INTS11: variants seen among roughly 807,000 people sequenced by gnomAD.
The protein encoded by INTS11 is CPSF3-like protein.
Under a neutral mutation model 78.6 loss-of-function variants are expected in INTS11, and 77 were observed. That is an observed-to-expected ratio of 0.98 (90% CI 0.81 to 1.18). The LOEUF is 1.18. INTS11 is among the 50% of genes most tolerant of loss of function. The probability of loss-of-function intolerance (pLI) is 0.00; values close to 1 mark genes in which losing one functional copy is unlikely to be tolerated. For missense variants in INTS11, 875 were observed against 825.9 expected (o/e 1.06, Z -0.73); for synonymous variants, 441 against 326.9 (o/e 1.35, Z -3.77).
rs536828222 is a variant in INTS11, at chr1:1,318,731, C to T, written c.429+565G>A. 22 of 479,316 alleles carry T rather than the reference C, an allele frequency of 4.6e-5. 2 individuals are homozygous for T. In the South Asian group the frequency reaches 8.9e-4, roughly 19 times the overall value. The allele number at this position is 479,316 out of a possible 1,614,324, so 29.7% of individuals were successfully genotyped here. A position where few individuals can be genotyped will look rare whatever the true frequency, so the allele number is the denominator to read the frequency against. ...AAGTTCAATCAGAAAATTAAATGTTCCAAAATACATAGGTACCTAATATAG... is the reference window on the plus strand; with the variant it reads ...AAGTTCAATCAGAAAATTAAATGTTTCAAAATACATAGGTACCTAATATAG... On this transcript the variant is annotated intron_variant, in intron 4 of 16. Transcript: ENST00000435064.
chr1:1,321,769 G>A (rs1359439887), intron 1 of INTS11: 1 of 534,662 alleles, frequency 1.9e-6, no homozygotes, highest in Non-Finnish European at 3.1e-6. Context: ...TCCAGCCAGA[G>A]GCCTTGGCCA....
Position 1,324,623 on chromosome 1 carries a change from T to C in INTS11, c.-15A>G, listed in dbSNP as rs1397558957. On this transcript the variant is annotated 5_prime_UTR_variant, in exon 1 of 17. Coordinates refer to ENST00000435064, the MANE Select transcript of INTS11 (RefSeq NM_017871.6). ...ATCTCAGGCATCGTCTCCGCCGCGC[T>C]CCCGGACCCGCGAGGCCCGCCTGCG... is the stretch of plus-strand genomic sequence containing the variant. 1.1e-5 allele frequency: 18 copies of C among 1,598,502 alleles called. No homozygotes were observed. Among genetic ancestry groups the C allele is most frequent in the Non-Finnish European group, 1.4e-5 (17 of 1,174,396 alleles).
Position 1,319,434 on chromosome 1 carries a change from C to T in INTS11, c.291G>A (p.Gln97=). Reference sequence around the variant, plus strand: ...CCTCCAGCAAGATGGGGCAGATGGCCTGGGTGGGGTGAGTCATGTAGATGG... The same window carrying T: ...CCTCCAGCAAGATGGGGCAGATGGCTTGGGTGGGGTGAGTCATGTAGATGG... ...DGPIYMTHPT[Q]AICPILLEDY... is the part of the protein sequence containing the mutation. Residue 97 remains glutamine (Q), a synonymous_variant, in exon 4 of 17, where the codon CAG becomes CAA. Transcript: ENST00000435064. The T allele has an allele frequency of 1.2e-6, 2 of 1,613,024 alleles. No individual in the cohort carries two copies. Among genetic ancestry groups the T allele is most frequent in the Non-Finnish European group, 1.7e-6 (2 of 1,179,826 alleles).
intron 4 of INTS11, among the ~76,000 whole-genome samples, chr1:1,318,402 A>T (rs1056136203): frequency 1.3e-5 from 2 of 152,164 alleles, no homozygotes; most frequent in African/African-American, 4.8e-5. Context: ...TCATGCCTGT[A>T]ATCCGAGCAC....
In INTS11 at chr1:1,318,635, G is replaced by C. The variant is rs1642755406; in HGVS notation, c.429+661C>G. 8 of 414,598 alleles carry C rather than the reference G, an allele frequency of 1.9e-5. No individual in the cohort carries two copies. The South Asian group carries it at 3.1e-4, about 16-fold the overall frequency. 25.7% of individuals were successfully genotyped at this position (414,598 alleles called of 1,614,324 possible). ...ATCACACTCCAGCCTGGGTAACAAAGTGAGACACTGTCAAAAAAAAAAAAA... is the reference window on the plus strand; with the variant it reads ...ATCACACTCCAGCCTGGGTAACAAACTGAGACACTGTCAAAAAAAAAAAAA... On this transcript the variant is annotated intron_variant, in intron 4 of 16. Coordinates refer to ENST00000435064, the MANE Select transcript of INTS11 (RefSeq NM_017871.6).
chr1:1,319,482 G>C lies in INTS11; in HGVS notation c.243C>G (p.Ser81Arg). The C allele has an allele frequency of 6.2e-7, 1 of 1,604,502 alleles. No homozygotes were observed. ...TGGGCCCGTCGTAGCCCACCATCTC[G>C]CTGAAGTAGGGGAGTGCCCCGCAGT... ...LDHCGALPYFSEMVGYDGPIY... is the reference protein window; with the variant it reads ...LDHCGALPYFREMVGYDGPIY... Residue 81 changes from serine to arginine, a missense_variant, in exon 4 of 17, where the codon AGC becomes AGG. By Grantham distance (110) the Ser-to-Arg change is moderately radical (BLOSUM62 -1). Transcript: ENST00000435064.
chr1:1,319,620 C>T (rs1642827500), intron 3 of INTS11, 96 bp from the exon 4 acceptor site: 2 of 807,588 alleles, frequency 2.5e-6, no homozygotes, highest in African/African-American at 1.7e-5. Flanking sequence ...CATTCGCCTG[C>T]TGTGCGCCAG....
At position 1,314,963 on chromosome 1, in the gene INTS11, C is replaced by G; in HGVS notation, c.564-1G>C. On this transcript the variant is annotated splice_acceptor_variant, in intron 6 of 16. Transcript: ENST00000435064. LOFTEE classifies it high-confidence loss of function. This position sits in a 1 kb window ranked among gnomAD's most constrained non-coding sequence, Gnocchi z 4.2. ...GCGGCACTTGTCAATCCAGGCAGCT[C>G]TGGAACACGGGGGTGGGGGTGTGAG... 3 of 1,612,100 alleles carry G rather than the reference C, an allele frequency of 1.9e-6. No individual in the cohort carries two copies. The highest frequency in any genetic ancestry group is 2.5e-6 in the Non-Finnish European group (3 of 1,179,234).
In INTS11 at chr1:1,314,453, G is replaced by A; in HGVS notation, c.703-88C>T. The A allele has an allele frequency of 4.1e-6, 5 of 1,219,578 alleles. No individual in the cohort carries two copies. Among genetic ancestry groups the A allele is most frequent in the East Asian group, 5.1e-5 (2 of 39,286 alleles). The allele number at this position is 1,219,578 out of a possible 1,614,324, so 75.5% of individuals were successfully genotyped here. A position where few individuals can be genotyped will look rare whatever the true frequency, so the allele number is the denominator to read the frequency against. On this transcript the variant is annotated intron_variant, in intron 7 of 16. Transcript: ENST00000435064. The surrounding 1 kb of genome is among the most constrained non-coding windows in gnomAD (Gnocchi z 4.2). ...AGTGAGGGCACGGCCAGGTGCCCAAGAGCTGCGGCCTCATAGGGACCTTAG... is the reference window on the plus strand; with the variant it reads ...AGTGAGGGCACGGCCAGGTGCCCAAAAGCTGCGGCCTCATAGGGACCTTAG...
intron 4 of INTS11, chr1:1,317,730 T>TAGGCC (rs1410929233): frequency 1.3e-5 from 2 of 152,156 alleles, no homozygotes; most frequent in Admixed American, 1.3e-4. Flanking sequence ...ACCCTACGGC[T>TAGGCC]GCCCATGCCC....
chr1:1,314,086 C>G lies in INTS11; in HGVS notation c.768-165G>C, dbSNP rs1362046111. 4 of 793,386 alleles carry G rather than the reference C, an allele frequency of 5.0e-6. No individual in the cohort carries two copies. Among genetic ancestry groups the G allele is most frequent in the Non-Finnish European group, 8.1e-6 (4 of 494,014 alleles). The allele number at this position is 793,386 out of a possible 1,614,324, so 49.1% of individuals were successfully genotyped here. A position where few individuals can be genotyped will look rare whatever the true frequency, so the allele number is the denominator to read the frequency against. On this transcript the variant is annotated intron_variant, in intron 8 of 16. Coordinates refer to ENST00000435064, the MANE Select transcript of INTS11 (RefSeq NM_017871.6). The surrounding 1 kb of genome is among the most constrained non-coding windows in gnomAD (Gnocchi z 4.2). The stretch of plus-strand genomic sequence containing the variant: ...CATTAAGCCCTGCAGCAGCCGGGCT[C>G]AGCGGAGAACCAGGAACCCCTACAA...
rs752080142 is a variant in INTS11, at chr1:1,314,413, C to G, written c.703-48G>C. ...GCCCTGGGCACATGGCCCCTCGACACAGCAGGCAGCGTCCAGTGAGGGCAC... is the reference window on the plus strand; with the variant it reads ...GCCCTGGGCACATGGCCCCTCGACAGAGCAGGCAGCGTCCAGTGAGGGCAC... On this transcript the variant is annotated intron_variant, in intron 7 of 16. Coordinates refer to ENST00000435064, the MANE Select transcript of INTS11 (RefSeq NM_017871.6). The surrounding 1 kb of genome is among the most constrained non-coding windows in gnomAD (Gnocchi z 4.2). 1.3e-6 allele frequency: 2 copies of G among 1,535,232 alleles called. No homozygotes were observed. Among genetic ancestry groups the G allele is most frequent in the African/African-American group, 1.4e-5 (1 of 73,044 alleles).
rs562147098 is a variant in INTS11, at chr1:1,312,563, A to ACCCTGCCCTG, written c.1402+20_1402+29dup. 3.0e-3 allele frequency: 4,681 copies of ACCCTGCCCTG among 1,581,324 alleles called. 25 individuals carry two copies. The highest frequency in any genetic ancestry group is 0.012 in the Middle Eastern group (71 of 5,720). On this transcript the variant is annotated intron_variant, in intron 13 of 16. Transcript: ENST00000435064. ...CCGCTCCCAGCCGCCTGCCCCGAGC[A>ACCCTGCCCTG]CCCTGCCCTGCCCTGCCCAGCCCGC...
chr1:1,318,782 C>A, intron 4 of INTS11: 2 of 553,332 alleles, frequency 3.6e-6, no homozygotes, highest in Non-Finnish European at 6.6e-6. Context: ...AAGCAATACC[C>A]AGAGATTCGA....
chr1:1,315,640 T>A, intron 4 of INTS11, 22 bp from the exon 5 acceptor site: 2 of 1,570,480 alleles, frequency 1.3e-6, no homozygotes, highest in African/African-American at 1.4e-5. Flanking sequence ...AGGGCTGCGC[T>A]CAGGCTGTGT....
chr1:1,322,549 G>A (rs1179565904), intron 1 of INTS11, among the ~76,000 whole-genome samples: 41 of 110,366 alleles, frequency 3.7e-4, no homozygotes, highest in Non-Finnish European at 6.9e-4. Context: ...GGAGGGGAGG[G>A]GTAGGGTGGG....
intron 1 of INTS11, chr1:1,321,884 GT>G: frequency 3.0e-6 from 4 of 1,325,030 alleles, no homozygotes; most frequent in Non-Finnish European, 3.9e-6. Flanking sequence ...GCAGTGAACA[GT>G]TTTCCCCTTG....
At chr1:1,318,956 G>T (rs1315392257) in intron 4 of INTS11, 2 of 717,254 alleles carry the variant, frequency 2.8e-6, no homozygotes, top group South Asian at 3.0e-5. Flanking sequence ...CAACACCCCG[G>T]GAGCTCCAGC....
In INTS11 at chr1:1,315,385, G is replaced by A; in HGVS notation, c.563+19C>T. 1 of 1,613,310 alleles carries A rather than the reference G, an allele frequency of 6.2e-7. No individual in the cohort carries two copies. The highest frequency in any genetic ancestry group is 8.5e-7 in the Non-Finnish European group (1 of 1,179,936). Reference sequence around the variant, plus strand: ...TCCAGGGGGGCCCACGGGACAAAAAGACACCTCAGCCTACTTACCCTAAGT... The same window carrying A: ...TCCAGGGGGGCCCACGGGACAAAAAAACACCTCAGCCTACTTACCCTAAGT... On this transcript the variant is annotated intron_variant, in intron 6 of 16. Transcript: ENST00000435064.
Sources: allele counts gnomAD v4.1 joint callset (sites outside exome capture counted in the v4.1 genomes callset), GRCh38; gene constraint gnomAD v4.1.1; non-coding constraint Gnocchi (gnomAD v3.1); transcripts MANE v1.5; gene names NCBI Gene and HGNC (gene_info 2026-07-23, HGNC 2026-07-21).